The following ATP8A2 variants were observed in gnomAD, a reference collection of about 807,000 sequenced individuals.
ATP8A2 encodes phospholipid-transporting ATPase IB.
Under a neutral mutation model 165.6 loss-of-function variants are expected in ATP8A2, and 100 were observed. The ratio of observed to expected loss-of-function variants is 0.60; its 90% CI spans 0.51 to 0.71. The LOEUF is 0.71. Among genes scored for constraint, ATP8A2 ranks in the 30% least tolerant of loss-of-function variants. The probability of loss-of-function intolerance (pLI) is 0.00; values close to 1 mark genes in which losing one functional copy is unlikely to be tolerated. For missense variants in ATP8A2, 1,227 were observed against 1,479.5 expected, an observed-to-expected ratio of 0.83 and a Z score of 2.80; for synonymous variants, 543 against 548.8, an observed-to-expected ratio of 0.99 and a Z score of 0.15.
intron 33 of ATP8A2, among the ~76,000 whole-genome samples, chr13:25,937,165 G>A (rs1477100604): frequency 1.3e-5 from 2 of 151,832 alleles, no homozygotes; most frequent in African/African-American, 2.4e-5. Flanking sequence ...AAAGAAGAGG[G>A]GATAAAGGAC....
chr13:26,007,952 A>G (rs185281396), intron 35 of ATP8A2, among the ~76,000 whole-genome samples: 5 of 152,326 alleles, frequency 3.3e-5, no homozygotes, highest in Admixed American at 2.0e-4. Context: ...CAGAGAAGCA[A>G]TGAGTCATCC....
chr13:25,464,309 A>T (rs958910750), intron 1 of ATP8A2, among the ~76,000 whole-genome samples: 4 of 151,844 alleles, frequency 2.6e-5, no homozygotes, highest in Non-Finnish European at 1.5e-5. Flanking sequence ...GCTTTACCAC[A>T]CTAGTTAAGA....
chr13:25,674,734 T>C (rs2042338226), intron 24 of ATP8A2, among the ~76,000 whole-genome samples: 1 of 152,208 alleles, frequency 6.6e-6, no homozygotes, highest in South Asian at 2.1e-4. Context: ...TTTCCTCCCG[T>C]GTAGTGACTA....
chr13:25,462,401 T>C (rs1444835981), intron 1 of ATP8A2, among the ~76,000 whole-genome samples: 1 of 152,160 alleles, frequency 6.6e-6, no homozygotes, highest in Admixed American at 6.5e-5. Context: ...GCTACACTTA[T>C]GGTTACAGTT....
chr13:25,679,326 T>G (rs1566040011), intron 24 of ATP8A2, among the ~76,000 whole-genome samples: 1 of 152,110 alleles, frequency 6.6e-6, no homozygotes, highest in Non-Finnish European at 1.5e-5. Flanking sequence ...GTGAAAAAAT[T>G]GAGACTGAGT....
intron 33 of ATP8A2, among the ~76,000 whole-genome samples, chr13:25,866,372 T>G (rs908590738): frequency 1.3e-5 from 2 of 152,236 alleles, no homozygotes; most frequent in Non-Finnish European, 2.9e-5. Context: ...GTGGGAAATC[T>G]AAAACATGGA....
intron 3 of ATP8A2, among the ~76,000 whole-genome samples, chr13:25,530,346 GCCTTT>G (rs1566227208): frequency 6.6e-6 from 1 of 152,182 alleles, no homozygotes; most frequent in Non-Finnish European, 1.5e-5. Flanking sequence ...ATACTTTTAA[GCCTTT>G]TTCTGTTCCA....
At chr13:25,547,394 T>C (rs538060343) in intron 10 of ATP8A2, among the ~76,000 whole-genome samples, 1 of 152,050 alleles carries the variant, frequency 6.6e-6, no homozygotes, top group East Asian at 2.0e-4. Flanking sequence ...AGCGGTGGCA[T>C]TAGATTCTCA....
rs191926319 is a variant in ATP8A2, at chr13:25,969,431, A to G, written c.3377+752A>G. On this transcript the variant is annotated intron_variant, in intron 35 of 36. Transcript: ENST00000381655. ...GCTCTATTAAGGACATGGAATATCTATAATATTCTGAGTACAGCTCTCCTA... is the reference window on the plus strand; with the variant it reads ...GCTCTATTAAGGACATGGAATATCTGTAATATTCTGAGTACAGCTCTCCTA... 4.6e-5 allele frequency among the ~76,000 whole-genome samples: 7 copies of G among 152,344 alleles called. No homozygotes were observed. The East Asian group carries it at 7.7e-4, about 17-fold the overall frequency.
intron 29 of ATP8A2, among the ~76,000 whole-genome samples, chr13:25,838,838 A>G (rs1951688897): frequency 6.6e-6 from 1 of 152,218 alleles, no homozygotes; most frequent in Non-Finnish European, 1.5e-5. Context: ...CGCAGAAGAC[A>G]GGTGATTTCT....
At chr13:25,512,740 C>A (rs1210751313) in intron 2 of ATP8A2, among the ~76,000 whole-genome samples, 2 of 142,986 alleles carry the variant, frequency 1.4e-5, no homozygotes, top group South Asian at 4.5e-4. Flanking sequence ...GGGGCTGACC[C>A]CCCCCACCTC....
chr13:25,862,489 G>C (rs758845679), intron 33 of ATP8A2, 81 bp downstream of exon 33: 1 of 1,064,110 alleles, frequency 9.4e-7, no homozygotes, highest in East Asian at 2.4e-5. Flanking sequence ...CAGGCACTGT[G>C]TGTCTTACAG....
chr13:25,375,246 T>C (rs1566087816), intron 1 of ATP8A2, among the ~76,000 whole-genome samples: 1 of 152,190 alleles, frequency 6.6e-6, no homozygotes, highest in East Asian at 1.9e-4. Context: ...TGGTTCTAGG[T>C]GCTAGAGACA....
chr13:25,667,762 C>A (rs1212983450), intron 24 of ATP8A2, among the ~76,000 whole-genome samples: 4 of 150,810 alleles, frequency 2.7e-5, no homozygotes, highest in Non-Finnish European at 5.9e-5. Flanking sequence ...ATACTGCTTT[C>A]TTTTGTGTTT....
intron 1 of ATP8A2, among the ~76,000 whole-genome samples, chr13:25,462,959 T>C (rs1423480736): frequency 2.6e-5 from 4 of 152,172 alleles, no homozygotes; most frequent in African/African-American, 7.2e-5. Context: ...TGACTTTTCA[T>C]TCTGTGCGTA....
intron 2 of ATP8A2, among the ~76,000 whole-genome samples, chr13:25,475,652 C>T (rs1355021958): frequency 1.3e-5 from 2 of 152,128 alleles, no homozygotes; most frequent in East Asian, 3.8e-4. Context: ...GTAAGTGTTC[C>T]CTTTTCTCTG....
chr13:25,514,335 C>T (rs2037396157), intron 2 of ATP8A2, among the ~76,000 whole-genome samples: 1 of 152,194 alleles, frequency 6.6e-6, no homozygotes, highest in African/African-American at 2.4e-5. Flanking sequence ...TGTACTGTTT[C>T]CTCAGGTCTC....
intron 2 of ATP8A2, among the ~76,000 whole-genome samples, chr13:25,512,866 A>G (rs1452422096): frequency 7.7e-6 from 1 of 129,956 alleles, no homozygotes; most frequent in Non-Finnish European, 1.6e-5. Context: ...GGCCAGGCAG[A>G]GGCGCCCCTC....
At position 25,696,605 on chromosome 13, in the gene ATP8A2, A is replaced by G. The variant is rs139186891; in HGVS notation, c.2212-2568A>G. The stretch of plus-strand genomic sequence containing the variant: ...ACAGCTCCTTTTTTAAACCTCATAA[A>G]CCAATATCTGCTAAGGCTCAGACTT... On this transcript the variant is annotated intron_variant, in intron 24 of 36. Coordinates refer to ENST00000381655, the MANE Select transcript of ATP8A2 (RefSeq NM_016529.6). Among the ~76,000 whole-genome samples the G allele has an allele frequency of 3.2e-3, 485 of 152,240 alleles. 2 individuals carry two copies. The highest frequency in any genetic ancestry group is 0.011 in the African/African-American group (464 of 41,540).
Sources: allele counts gnomAD v4.1 joint callset (sites outside exome capture counted in the v4.1 genomes callset), GRCh38; gene constraint gnomAD v4.1.1; transcripts MANE v1.5; gene names NCBI Gene and HGNC (gene_info 2026-07-23, HGNC 2026-07-21).